The following KDM5A variants were observed in gnomAD, a reference collection of about 807,000 sequenced individuals.
KDM5A encodes lysine demethylase 5A, also known as lysine-specific demethylase 5A.
Under a neutral mutation model 193.5 loss-of-function variants are expected in KDM5A, and 42 were observed. That is an observed-to-expected ratio of 0.22 (90% CI 0.17 to 0.28). The LOEUF (loss-of-function observed/expected upper bound fraction) is 0.28, where lower values mean the gene tolerates loss of function less well. Among genes scored for constraint, KDM5A ranks in the 10% least tolerant of loss-of-function variants. KDM5A has a pLI of 1.00. For missense variants in KDM5A, 1,692 were observed against 2,055.1 expected (o/e 0.82, Z 3.42); for synonymous variants, 796 against 718.1 (o/e 1.11, Z -1.73).
chr12:367,481 G>A (rs540676032), intron 3 of KDM5A, among the ~76,000 whole-genome samples: 4 of 152,278 alleles, frequency 2.6e-5, no homozygotes, highest in Non-Finnish European at 5.9e-5. Flanking sequence ...CAAATAGCCT[G>A]AGCTCAGGAG....
chr12:321,183 T>C (rs1943711703), intron 17 of KDM5A, 74 bp from the exon 18 acceptor site: 1 of 1,039,226 alleles, frequency 9.6e-7, no homozygotes, highest in South Asian at 1.3e-5. Context: ...TCCTAGTCTC[T>C]TCAGAATTCA....
At chr12:366,453 A>C (rs951266695) in intron 3 of KDM5A, among the ~76,000 whole-genome samples, 4 of 152,208 alleles carry the variant, frequency 2.6e-5, no homozygotes, top group African/African-American at 4.8e-5. Flanking sequence ...ACAGATAAAA[A>C]ATAGATATGA....
intron 3 of KDM5A, among the ~76,000 whole-genome samples, chr12:374,586 A>G (rs1296943440): frequency 1.3e-5 from 2 of 152,072 alleles, no homozygotes; most frequent in African/African-American, 4.8e-5. Flanking sequence ...TAAGGTTAAT[A>G]CTGTTATGTG....
chr12:341,369 C>T (rs1944002318), intron 10 of KDM5A, among the ~76,000 whole-genome samples: 1 of 152,126 alleles, frequency 6.6e-6, no homozygotes, highest in Non-Finnish European at 1.5e-5. Flanking sequence ...CTAGGTTCTC[C>T]ATCCTGTTAT....
chr12:361,351 C>T (rs1290852361), intron 5 of KDM5A, among the ~76,000 whole-genome samples: 7 of 152,004 alleles, frequency 4.6e-5, no homozygotes, highest in Non-Finnish European at 7.4e-5. Flanking sequence ...CCCACCACCA[C>T]GCCCGGCTAA....
At chr12:382,646 G>A (rs1944588389) in intron 3 of KDM5A, among the ~76,000 whole-genome samples, 1 of 152,090 alleles carries the variant, frequency 6.6e-6, no homozygotes. Context: ...ACATATTTTA[G>A]CCGGGCGCGG....
chr12:291,388 TG>T (rs1943292276), intron 27 of KDM5A, among the ~76,000 whole-genome samples: 2 of 152,216 alleles, frequency 1.3e-5, no homozygotes. Context: ...CAATTATTGA[TG>T]GGGTAAGGTG....
At chr12:382,565 CAAG>C (rs905681137) in intron 3 of KDM5A, among the ~76,000 whole-genome samples, 12 of 151,996 alleles carry the variant, frequency 7.9e-5, no homozygotes, top group South Asian at 2.1e-4. Context: ...TGAAAGGCCA[CAAG>C]AAGAAGTTGT....
intron 4 of KDM5A, among the ~76,000 whole-genome samples, chr12:364,990 T>C (rs1289544179): frequency 6.6e-6 from 1 of 152,092 alleles, no homozygotes; most frequent in African/African-American, 2.4e-5. Flanking sequence ...CAAAATGTGG[T>C]ATATCCATTC....
intron 3 of KDM5A, among the ~76,000 whole-genome samples, chr12:369,153 C>CT (rs1944393820): frequency 6.6e-6 from 1 of 152,152 alleles, no homozygotes; most frequent in African/African-American, 2.4e-5. Flanking sequence ...ATCACACCCT[C>CT]AAAGAAGCCC....
rs775071556 is a variant in KDM5A at position 285,478 on chromosome 12, T to A, written c.5051A>T (p.Glu1684Val). The change falls in exon 28 of 28, where the codon GAG becomes GTG. Residue 1684 changes from glutamate to valine, a missense_variant. Around this residue, in one of 11 missense-constraint regions of KDM5A, gnomAD observed 41 missense variants for 36.3 expected, o/e 1.13. Coordinates refer to ENST00000399788, the MANE Select transcript of KDM5A (RefSeq NM_001042603.3). The stretch of plus-strand genomic sequence containing the variant: ...CTGCTAACTGGTCTCTTTAAGATCC[T>A]CCATTGGTAGTTTGTAGCTCATTAT... Reference protein sequence around the residue: ...SFIMSYKLPMEDLKETS With the variant: ...SFIMSYKLPMVDLKETS 2 of 1,614,004 alleles carry A rather than the reference T, an allele frequency of 1.2e-6. No homozygotes were observed. Among genetic ancestry groups the A allele is most frequent in the Admixed American group, 3.3e-5 (2 of 59,986 alleles).
At position 314,911 on chromosome 12, in the gene KDM5A, G is replaced by A. The variant is rs566187916; in HGVS notation, c.2898-1717C>T. The stretch of plus-strand genomic sequence containing the variant: ...GACTAGATATATAATTAAGCAAGAG[G>A]CTAGATGACAGATGGCCTTATAAAT... On this transcript the variant is annotated intron_variant, in intron 19 of 27. Transcript: ENST00000399788. Among the ~76,000 whole-genome samples the A allele has an allele frequency of 7.5e-4, 114 of 152,320 alleles. 3 individuals carry two copies. The Middle Eastern group carries it at 0.014, about 18-fold the overall frequency.
At chr12:388,456 G>C (rs1944675733) in intron 1 of KDM5A, 1 of 389,016 alleles carries the variant, frequency 2.6e-6, no homozygotes, top group Non-Finnish European at 5.1e-6. Flanking sequence ...TTAGTCTGGA[G>C]TTCTTGTCTA....
At chr12:346,300 C>T (rs1355565791) in intron 10 of KDM5A, among the ~76,000 whole-genome samples, 1 of 152,128 alleles carries the variant, frequency 6.6e-6, no homozygotes, top group Non-Finnish European at 1.5e-5. Context: ...AAGTCCAGGA[C>T]CAGATGGATT....
At chr12:325,531 CT>C (rs1240822751) in intron 14 of KDM5A, among the ~76,000 whole-genome samples, 1 of 151,098 alleles carries the variant, frequency 6.6e-6, no homozygotes, top group East Asian at 2.0e-4. Flanking sequence ...ACAAAAATTA[CT>C]GGGTGTGGTG....
intron 14 of KDM5A, among the ~76,000 whole-genome samples, chr12:324,626 A>G (rs1943760807): frequency 6.6e-6 from 1 of 152,312 alleles, no homozygotes; most frequent in South Asian, 2.1e-4. Context: ...TAATCCCAGC[A>G]CTTTGGGAGG....
chr12:377,833 C>T (rs1187636539), intron 3 of KDM5A, among the ~76,000 whole-genome samples: 1 of 151,834 alleles, frequency 6.6e-6, no homozygotes, highest in Non-Finnish European at 1.5e-5. Flanking sequence ...GACAGGTGAC[C>T]TTAAAAAAAC....
Position 285,322 on chromosome 12 carries a change from C to A in KDM5A, c.*134G>T. 1.4e-6 allele frequency: 1 copy of A among 736,254 alleles called. No homozygotes were observed. The highest frequency in any genetic ancestry group is 1.7e-5 in the South Asian group (1 of 58,974). 45.6% of individuals were successfully genotyped at this position (736,254 alleles called of 1,614,324 possible). ...AGAGTCCATGCAAAGAGGAAGCCAG[C>A]ACTAAGGGGACTTTCTCTGAAGGCC... On this transcript the variant is annotated 3_prime_UTR_variant, in exon 28 of 28. Coordinates refer to ENST00000399788, the MANE Select transcript of KDM5A (RefSeq NM_001042603.3).
chr12:297,645 C>T (rs1484185040), intron 24 of KDM5A, among the ~76,000 whole-genome samples: 3 of 152,166 alleles, frequency 2.0e-5, no homozygotes, highest in African/African-American at 7.2e-5. Context: ...CTAGAGAAAG[C>T]TTTCCAGACC....
Sources: allele counts gnomAD v4.1 joint callset (sites outside exome capture counted in the v4.1 genomes callset), GRCh38; gene constraint gnomAD v4.1.1; regional missense constraint gnomAD v4.1.1; transcripts MANE v1.5; gene names NCBI Gene and HGNC (gene_info 2026-07-23, HGNC 2026-07-21).